Variants in AGBL1 observed in about 807,000 individuals in gnomAD.
AGBL1 encodes cytosolic carboxypeptidase 4.
Under a neutral mutation model 118.9 loss-of-function variants are expected in AGBL1, and 130 were observed. The ratio of observed to expected loss-of-function variants is 1.09; its 90% confidence interval spans 0.95 to 1.26. The LOEUF is 1.26. AGBL1 is among the 50% of genes most tolerant of loss of function. The pLI, the probability that AGBL1 is intolerant of heterozygous loss-of-function variation, is 0.00. For missense variants in AGBL1, 1,584 were observed against 1,298.1 expected (o/e 1.22, Z -3.38); for synonymous variants, 555 against 478.9 (o/e 1.16, Z -2.08).
At chr15:86,837,284 G>A (rs761893762) in intron 22 of AGBL1, among the ~76,000 whole-genome samples, 1 of 151,086 alleles carries the variant, frequency 6.6e-6, no homozygotes, top group Non-Finnish European at 1.5e-5. Context: ...AAGAAACCAA[G>A]GACGTTCTAG....
At position 86,294,388 on chromosome 15, in the gene AGBL1, G is replaced by A. The variant is rs180775350; in HGVS notation, c.2221-867G>A. 2.7e-3 allele frequency among the ~76,000 whole-genome samples: 327 copies of A among 119,494 alleles called. 1 individual carries two copies. The highest frequency in any genetic ancestry group is 0.011 in the African/African-American group (313 of 29,676). 78.4% of individuals were successfully genotyped at this position (119,494 alleles called of 152,430 possible). A position where few individuals can be genotyped will look rare whatever the true frequency, so the allele number is the denominator to read the frequency against. The stretch of plus-strand genomic sequence containing the variant: ...CACTCCAGCCTGCCTGGTTGACAGA[G>A]TGAGACTTTGTCTCAAAAAAAAAAA... On this transcript the variant is annotated intron_variant, in intron 16 of 22. Coordinates refer to ENST00000614907, the MANE Select transcript of AGBL1 (RefSeq NM_001386094.1).
chr15:86,378,900 G>T (rs1300165999), intron 17 of AGBL1, among the ~76,000 whole-genome samples: 2 of 144,112 alleles, frequency 1.4e-5, no homozygotes, highest in African/African-American at 2.5e-5. Context: ...GATCACTTTA[G>T]TTTTTTTTTT....
chr15:86,140,585 A>G lies in AGBL1; in HGVS notation c.52-1419A>G, dbSNP rs568189254. ...GTGGAGTGGGAAGCAAGATTATACC[A>G]TGATACCAACACCATGTGGTAAGTG... On this transcript the variant is annotated intron_variant, in intron 1 of 22. Coordinates refer to ENST00000614907, the MANE Select transcript of AGBL1 (RefSeq NM_001386094.1). Among the ~76,000 whole-genome samples, 66 of 152,264 alleles carry G rather than the reference A, an allele frequency of 4.3e-4. 2 individuals carry two copies. The South Asian group carries it at 0.014, about 32-fold the overall frequency.
At chr15:86,191,153 G>T (rs2141827738) in intron 5 of AGBL1, among the ~76,000 whole-genome samples, 1 of 149,638 alleles carries the variant, frequency 6.7e-6, no homozygotes, top group East Asian at 1.9e-4. Context: ...AGTCCAGCCT[G>T]GCAACATGGT....
chr15:86,653,163 C>A (rs554091542), intron 21 of AGBL1, among the ~76,000 whole-genome samples: 2 of 119,316 alleles, frequency 1.7e-5, no homozygotes, highest in Admixed American at 8.8e-5. Flanking sequence ...TCCTCAAATG[C>A]AAACCAAAAT....
At chr15:86,717,884 C>G (rs1304960995) in intron 22 of AGBL1, among the ~76,000 whole-genome samples, 1 of 152,078 alleles carries the variant, frequency 6.6e-6, no homozygotes, top group East Asian at 1.9e-4. Context: ...TCGAGACCAG[C>G]CTGACCAACA....
At chr15:86,234,813 G>A (rs1207876023) in intron 6 of AGBL1, among the ~76,000 whole-genome samples, 2 of 152,166 alleles carry the variant, frequency 1.3e-5, no homozygotes, top group Non-Finnish European at 2.9e-5. Flanking sequence ...CAATAAAGAT[G>A]AACTCTTGTT....
intron 21 of AGBL1, among the ~76,000 whole-genome samples, chr15:86,561,798 C>A (rs1174556976): frequency 6.6e-6 from 1 of 152,100 alleles, no homozygotes; most frequent in Non-Finnish European, 1.5e-5. Flanking sequence ...ATGGAATGTT[C>A]TTCCATTTGT....
rs568565987 is a variant in AGBL1, at chr15:86,874,537, A to G, written c.3159-32550A>G. On this transcript the variant is annotated intron_variant, in intron 22 of 22. Transcript: ENST00000614907. ...CAAAGGCCCTGGTTCTTATTGAAGG[A>G]GTACCAGAGTGGGTACCTGAGCCCC... 1.1e-3 allele frequency among the ~76,000 whole-genome samples: 172 copies of G among 152,226 alleles called. 1 individual carries two copies. Among genetic ancestry groups the G allele is most frequent in the Non-Finnish European group, 2.1e-3 (144 of 68,014 alleles).
In AGBL1 at chr15:86,583,620, G is replaced by C. The variant is rs149650077; in HGVS notation, c.2994+29083G>C. Among the ~76,000 whole-genome samples the C allele has an allele frequency of 3.7e-4, 57 of 152,210 alleles. No homozygotes were observed. In the Middle Eastern group the frequency reaches 0.024, roughly 64 times the overall value. Reference sequence around the variant, plus strand: ...GTTGATTCCATATCTTTTCTATTGTGAATCGTGCTACAGTGAATGTGCAAC... The same window carrying C: ...GTTGATTCCATATCTTTTCTATTGTCAATCGTGCTACAGTGAATGTGCAAC... On this transcript the variant is annotated intron_variant, in intron 21 of 22. Coordinates refer to ENST00000614907, the MANE Select transcript of AGBL1 (RefSeq NM_001386094.1).
intron 18 of AGBL1, among the ~76,000 whole-genome samples, chr15:86,457,840 C>T (rs575045974): frequency 2.0e-5 from 3 of 152,116 alleles, no homozygotes; most frequent in South Asian, 2.1e-4. Context: ...ATACTCCAGC[C>T]GTTGCTTCTC....
At chr15:86,747,595 A>G (rs1229537762) in intron 22 of AGBL1, among the ~76,000 whole-genome samples, 1 of 152,046 alleles carries the variant, frequency 6.6e-6, no homozygotes, top group Non-Finnish European at 1.5e-5. Flanking sequence ...CGTCATTTAC[A>G]TTGGGTGTAT....
At chr15:86,582,489 T>G (rs954850187) in intron 21 of AGBL1, among the ~76,000 whole-genome samples, 2 of 152,134 alleles carry the variant, frequency 1.3e-5, no homozygotes, top group Non-Finnish European at 2.9e-5. Flanking sequence ...AAATAGCATT[T>G]GACCCAGCCA....
At chr15:86,560,011 G>C (rs1378511631) in intron 21 of AGBL1, among the ~76,000 whole-genome samples, 1 of 152,082 alleles carries the variant, frequency 6.6e-6, no homozygotes, top group African/African-American at 2.4e-5. Context: ...AGATAGGTGT[G>C]GTTTCTGCTA....
At chr15:86,839,385 G>T (rs1053243255) in intron 22 of AGBL1, among the ~76,000 whole-genome samples, 1 of 152,078 alleles carries the variant, frequency 6.6e-6, no homozygotes, top group Non-Finnish European at 1.5e-5. Flanking sequence ...CTGCCATAGG[G>T]GCCCTCATCC....
intron 5 of AGBL1, among the ~76,000 whole-genome samples, chr15:86,184,433 CTTT>C (rs71144032): frequency 9.5e-5 from 13 of 136,126 alleles, no homozygotes; most frequent in Non-Finnish European, 8.1e-5. Context: ...TTTTTTCTTT[CTTT>C]TTTTTTTTTT....
intron 23 of AGBL1, among the ~76,000 whole-genome samples, chr15:86,937,361 A>G (rs189415839): frequency 6.6e-6 from 1 of 152,250 alleles, no homozygotes; most frequent in African/African-American, 2.4e-5. Flanking sequence ...ACAAATGTTC[A>G]TTGCAGCACT....
chr15:86,761,637 G>T (rs191975315), intron 22 of AGBL1, among the ~76,000 whole-genome samples: 24 of 152,166 alleles, frequency 1.6e-4, no homozygotes. Flanking sequence ...AAAAAGAGGA[G>T]TGTCTGTTCA....
At chr15:86,102,074 T>A (rs890929871) in intron 1 of AGBL1, among the ~76,000 whole-genome samples, 3 of 151,594 alleles carry the variant, frequency 2.0e-5, no homozygotes, top group Non-Finnish European at 4.4e-5. Flanking sequence ...GGAGTCTTGC[T>A]CTCTTGCCCA....
Sources: allele counts gnomAD v4.1 joint callset (sites outside exome capture counted in the v4.1 genomes callset), GRCh38; gene constraint gnomAD v4.1.1; transcripts MANE v1.5; gene names NCBI Gene and HGNC (gene_info 2026-07-23, HGNC 2026-07-21).